Variants in SETDB1 observed in about 807,000 individuals in gnomAD.
SETDB1 encodes the protein histone-lysine N-methyltransferase SETDB1.
SETDB1 carries 31 observed loss-of-function variants against 137.4 expected under a neutral mutation model. That is an observed-to-expected ratio of 0.23 (90% CI 0.17 to 0.30). SETDB1 has a LOEUF of 0.30. Ranked by LOEUF, SETDB1 falls within the 10% of genes least tolerant of loss-of-function variation. The pLI is 1.00. For synonymous variants in SETDB1, 548 were observed against 579.9 expected, an observed-to-expected ratio of 0.95 and a Z score of 0.79; for missense variants, 1,113 against 1,631.5, an observed-to-expected ratio of 0.68 and a Z score of 5.47.
chr1:150,949,731 G>A (rs1670441821), intron 12 of SETDB1, among the ~76,000 whole-genome samples: 2 of 152,184 alleles, frequency 1.3e-5, no homozygotes, highest in South Asian at 4.1e-4. Context: ...TGGAAATATG[G>A]TATCATCTGA....
intron 10 of SETDB1, among the ~76,000 whole-genome samples, chr1:150,948,884 A>T (rs942990641): frequency 6.6e-6 from 1 of 151,476 alleles, no homozygotes; most frequent in Admixed American, 6.6e-5. Flanking sequence ...ATGCCCATCT[A>T]ATTTTTGTAT....
intron 16 of SETDB1, 116 bp from the exon 17 acceptor site, chr1:150,962,014 T>C: frequency 8.0e-7 from 1 of 1,255,736 alleles, no homozygotes; most frequent in Non-Finnish European, 1.2e-6. Flanking sequence ...CACCCCACTT[T>C]AGAATGTGTA....
rs1385146340 is a variant in SETDB1 at position 150,962,972 on chromosome 1, A to G, written c.3295-2A>G. ...TTACTTCTTACCCTCCTGCTTCCCC[A>G]GGATGTCCTGACACTGTCCAGCAGC... is the stretch of plus-strand genomic sequence containing the variant. On this transcript the variant is annotated splice_acceptor_variant, in intron 18 of 21. Transcript: ENST00000692827. LOFTEE classifies it high-confidence loss of function. 2 of 1,612,912 alleles carry G rather than the reference A, an allele frequency of 1.2e-6. No homozygotes were observed. The highest frequency in any genetic ancestry group is 1.7e-6 in the Non-Finnish European group (2 of 1,179,176).
In SETDB1 at chr1:150,964,409, G is replaced by A; in HGVS notation, c.*45G>A. On this transcript the variant is annotated 3_prime_UTR_variant, in exon 22 of 22. Coordinates refer to ENST00000692827, the MANE Select transcript of SETDB1 (RefSeq NM_001366418.1). ...CCCTTCTTGAACTGTCGTTTCCTCA[G>A]GAACTGGGTCTTCCTGATTGTTGAA... 7.1e-7 allele frequency: 1 copy of A among 1,403,156 alleles called. No individual in the cohort carries two copies. The highest frequency in any genetic ancestry group is 1.0e-6 in the Non-Finnish European group (1 of 994,166). The allele number at this position is 1,403,156 out of a possible 1,614,324, so 86.9% of individuals were successfully genotyped here. A position where few individuals can be genotyped will look rare whatever the true frequency, so the allele number is the denominator to read the frequency against.
intron 3 of SETDB1, among the ~76,000 whole-genome samples, chr1:150,931,877 A>C (rs1283548181): frequency 6.6e-6 from 1 of 151,888 alleles, no homozygotes; most frequent in African/African-American, 2.4e-5. Context: ...TCCTAGTTTG[A>C]GAGATTTTAT....
intron 2 of SETDB1, 150 bp from the exon 3 acceptor site, chr1:150,929,817 G>A (rs587608544): frequency 4.4e-6 from 3 of 681,178 alleles, no homozygotes; most frequent in Non-Finnish European, 7.4e-6. Context: ...TATAGAAAAA[G>A]CATTCTAAAT....
intron 3 of SETDB1, among the ~76,000 whole-genome samples, chr1:150,932,651 A>G (rs1669796345): frequency 6.6e-6 from 1 of 152,172 alleles, no homozygotes; most frequent in Non-Finnish European, 1.5e-5. Flanking sequence ...AATCCAGGAT[A>G]TCACATTAAA....
At position 150,964,159 on chromosome 1, in the gene SETDB1, G is replaced by T. The variant is rs1214694816; in HGVS notation, c.3761+76G>T. On this transcript the variant is annotated intron_variant, in intron 21 of 21. Coordinates refer to ENST00000692827, the MANE Select transcript of SETDB1 (RefSeq NM_001366418.1). ...TTCTAAGGGCCCCTCCTCCATTCAT[G>T]ATCCAACTCCACCTACATATTCAGT... is the stretch of plus-strand genomic sequence containing the variant. The T allele has an allele frequency of 6.6e-6, 10 of 1,524,274 alleles. No homozygotes were observed. In the East Asian group the frequency reaches 1.8e-4, roughly 27 times the overall value. 94.4% of individuals were successfully genotyped at this position (1,524,274 alleles called of 1,614,324 possible). A position where few individuals can be genotyped will look rare whatever the true frequency, so the allele number is the denominator to read the frequency against.
chr1:150,952,309 C>T (rs1441551736), intron 14 of SETDB1, among the ~76,000 whole-genome samples: 9 of 151,984 alleles, frequency 5.9e-5, no homozygotes, highest in Admixed American at 5.2e-4. Flanking sequence ...ATTAGGAGAT[C>T]GTTATAGGAG....
chr1:150,958,055 G>A (rs765217153), intron 14 of SETDB1, among the ~76,000 whole-genome samples: 12 of 151,666 alleles, frequency 7.9e-5, no homozygotes, highest in South Asian at 2.1e-4. Context: ...GCACGGTGGC[G>A]CGTGCCTGTA....
chr1:150,928,428 C>T (rs1038590554), intron 2 of SETDB1, among the ~76,000 whole-genome samples: 1 of 152,176 alleles, frequency 6.6e-6, no homozygotes, highest in African/African-American at 2.4e-5. Flanking sequence ...GAGTCCAAGT[C>T]TTAAGTCCTT....
intron 9 of SETDB1, chr1:150,945,366 A>G: frequency 7.7e-7 from 1 of 1,293,228 alleles, no homozygotes; most frequent in Non-Finnish European, 1.0e-6. Flanking sequence ...AGGAGTATTC[A>G]CATTGTGTGT....
At chr1:150,940,634 G>A (rs1335055236) in intron 4 of SETDB1, among the ~76,000 whole-genome samples, 2 of 151,912 alleles carry the variant, frequency 1.3e-5, no homozygotes, top group African/African-American at 2.4e-5. Flanking sequence ...TTGGGAGGCT[G>A]AGGCAGGTGG....
rs144989159 is a variant in SETDB1 at position 150,928,012 on chromosome 1, T to C, written c.260+38T>C. 7.6e-4 allele frequency: 1,210 copies of C among 1,594,044 alleles called. 10 individuals carry two copies. The East Asian group carries it at 0.011, about 15-fold the overall frequency. ...TGGAAAATAGAAGGAAATCTCTCCATTGGGAGATGTTTTTAGAGAATAATT... is the reference window on the plus strand; with the variant it reads ...TGGAAAATAGAAGGAAATCTCTCCACTGGGAGATGTTTTTAGAGAATAATT... On this transcript the variant is annotated intron_variant, in intron 2 of 21. Transcript: ENST00000692827.
Position 150,964,645 on chromosome 1 carries a change from T to C in SETDB1, c.*281T>C. On this transcript the variant is annotated 3_prime_UTR_variant, in exon 22 of 22. Coordinates refer to ENST00000692827, the MANE Select transcript of SETDB1 (RefSeq NM_001366418.1). ...ATATTTGTCCAAGTGTTCCTGCTTC[T>C]AACAGACTTTGTTCTTAGAATGGAG... 1 of 614,232 alleles carries C rather than the reference T, an allele frequency of 1.6e-6. No individual in the cohort carries two copies. The highest frequency in any genetic ancestry group is 4.3e-4 in the Middle Eastern group (1 of 2,308). The allele number at this position is 614,232 out of a possible 1,614,324, so 38.0% of individuals were successfully genotyped here. A position where few individuals can be genotyped will look rare whatever the true frequency, so the allele number is the denominator to read the frequency against.
chr1:150,932,247 AAG>A lies in SETDB1; in HGVS notation c.412+2131_412+2132del, dbSNP rs1368390683. Among the ~76,000 whole-genome samples, 5 of 151,960 alleles carry A rather than the reference AAG, an allele frequency of 3.3e-5. No individual in the cohort carries two copies. In the South Asian group the frequency reaches 8.3e-4, roughly 25 times the overall value. ...ATTTTTTTTTTTTTAAAAAAAAAGA[AAG>A]AAAAAAATTTTTACATCTGTTTCAT... On this transcript the variant is annotated intron_variant, in intron 3 of 21. Coordinates refer to ENST00000692827, the MANE Select transcript of SETDB1 (RefSeq NM_001366418.1).
chr1:150,933,294 A>G, intron 3 of SETDB1, among the ~76,000 whole-genome samples: 1 of 151,366 alleles, frequency 6.6e-6, no homozygotes, highest in Non-Finnish European at 1.5e-5. Flanking sequence ...TCCTGAGCTC[A>G]GGCAATCCTC....
At position 150,926,512 on chromosome 1, in the gene SETDB1, C is replaced by T. The variant is rs995621935; in HGVS notation, c.-17C>T. 8.0e-5 allele frequency: 26 copies of T among 325,536 alleles called. 1 individual carries two copies. Among genetic ancestry groups the T allele is most frequent in the South Asian group, 6.2e-4 (25 of 40,222 alleles). 20.2% of individuals were successfully genotyped at this position (325,536 alleles called of 1,614,324 possible). A position where few individuals can be genotyped will look rare whatever the true frequency, so the allele number is the denominator to read the frequency against. ...AAAAAGAGCCCTTGAAGCTGGAAGACGGGAGGTGCGGGGAATACTGTTGAG... is the reference window on the plus strand; with the variant it reads ...AAAAAGAGCCCTTGAAGCTGGAAGATGGGAGGTGCGGGGAATACTGTTGAG... On this transcript the variant is annotated 5_prime_UTR_variant, in exon 1 of 22. It adds an upstream start codon to the 5' untranslated region. Transcript: ENST00000692827.
intron 3 of SETDB1, among the ~76,000 whole-genome samples, chr1:150,933,942 C>A (rs991569270): frequency 1.3e-5 from 2 of 151,480 alleles, no homozygotes; most frequent in Non-Finnish European, 2.9e-5. Context: ...CACCACCATG[C>A]CTGGCTAATT....
Sources: allele counts gnomAD v4.1 joint callset (sites outside exome capture counted in the v4.1 genomes callset), GRCh38; gene constraint gnomAD v4.1.1; transcripts MANE v1.5; gene names NCBI Gene and HGNC (gene_info 2026-07-23, HGNC 2026-07-21).